Variants in MSRA observed in about 807,000 individuals in gnomAD.
MSRA encodes mitochondrial peptide methionine sulfoxide reductase.
MSRA carries 54 observed loss-of-function variants against 31.3 expected under a neutral mutation model. That is an observed-to-expected ratio of 1.73 (90% CI 1.39 to 2.17). The LOEUF is 2.17. Among genes scored for constraint, MSRA ranks in the 30% most tolerant of loss-of-function variants. MSRA has a pLI of 0.00. For synonymous variants in MSRA, 169 were observed against 116.5 expected (o/e 1.45, Z -2.90); for missense variants, 507 against 300.9 (o/e 1.69, Z -5.07).
intron 2 of MSRA, among the ~76,000 whole-genome samples, chr8:10,239,113 T>A (rs528532614): frequency 1.3e-5 from 2 of 152,058 alleles, no homozygotes; most frequent in Non-Finnish European, 2.9e-5. Context: ...GTGGCCCATA[T>A]ACTATGTGAA....
At chr8:10,416,606 T>G (rs140402058) in intron 5 of MSRA, among the ~76,000 whole-genome samples, 34 of 152,318 alleles carry the variant, frequency 2.2e-4, no homozygotes, top group African/African-American at 8.2e-4. Context: ...ACTCACAGCT[T>G]ACTGGCCAAA....
intron 5 of MSRA, among the ~76,000 whole-genome samples, chr8:10,341,223 C>T (rs1439002959): frequency 1.3e-5 from 2 of 152,198 alleles, no homozygotes; most frequent in African/African-American, 4.8e-5. Context: ...CATGATTCTG[C>T]AGGCTTTACA....
chr8:10,165,693 G>A lies in MSRA; in HGVS notation c.143-42140G>A, dbSNP rs748979745. Reference sequence around the variant, plus strand: ...AATCAGGACACATAGTCTTGTAAGTGGGAGAGTATACACGTGGACATTGTA... The same window carrying A: ...AATCAGGACACATAGTCTTGTAAGTAGGAGAGTATACACGTGGACATTGTA... On this transcript the variant is annotated intron_variant, in intron 1 of 5. Transcript: ENST00000317173. 3.9e-5 allele frequency among the ~76,000 whole-genome samples: 6 copies of A among 152,186 alleles called. 1 individual carries two copies. The highest frequency in any genetic ancestry group is 2.0e-4 in the Admixed American group (3 of 15,280).
chr8:10,393,702 C>G (rs1236488261), intron 5 of MSRA, among the ~76,000 whole-genome samples: 1 of 152,182 alleles, frequency 6.6e-6, no homozygotes, highest in African/African-American at 2.4e-5. Flanking sequence ...TAGTTTATGA[C>G]CTGCACACGG....
chr8:10,160,823 C>A (rs536364157), intron 1 of MSRA, among the ~76,000 whole-genome samples: 1 of 152,132 alleles, frequency 6.6e-6, no homozygotes, highest in Non-Finnish European at 1.5e-5. Flanking sequence ...CCATCGTACC[C>A]GGCCGAGATT....
At chr8:10,196,977 A>G (rs1330960618) in intron 1 of MSRA, among the ~76,000 whole-genome samples, 2 of 152,196 alleles carry the variant, frequency 1.3e-5, no homozygotes, top group Non-Finnish European at 2.9e-5. Context: ...TTTAGACTCA[A>G]TAGGAAACAC....
At position 10,426,975 on chromosome 8, in the gene MSRA, G is replaced by GGGCCTCAAGATCCTTGATC. The variant is rs150708321; in HGVS notation, c.544-1168_544-1167insCAAGATCCTTGATCGGCCT. Among the ~76,000 whole-genome samples, 4 of 152,172 alleles carry GGGCCTCAAGATCCTTGATC rather than the reference G, an allele frequency of 2.6e-5. 1 individual carries two copies. The highest frequency in any genetic ancestry group is 7.2e-5 in the African/African-American group (3 of 41,504). ...TGCCCCTTGTCGTTCCGGACCTGCT[G>GGGCCTCAAGATCCTTGATC]GGCCTTCTGCTGGCTCAGACGGCGA... On this transcript the variant is annotated intron_variant, in intron 5 of 5. Transcript: ENST00000317173.
At chr8:10,151,610 A>T (rs1178760410) in intron 1 of MSRA, among the ~76,000 whole-genome samples, 1 of 152,222 alleles carries the variant, frequency 6.6e-6, no homozygotes, top group Non-Finnish European at 1.5e-5. Flanking sequence ...AGATCGCGCC[A>T]CTGCACTCCA....
chr8:10,132,161 G>C (rs1801941502), intron 1 of MSRA, among the ~76,000 whole-genome samples: 1 of 152,172 alleles, frequency 6.6e-6, no homozygotes, highest in Non-Finnish European at 1.5e-5. Context: ...TTTTCAATGA[G>C]GTGATATTGG....
chr8:10,123,929 A>C, intron 1 of MSRA, among the ~76,000 whole-genome samples: 1 of 151,730 alleles, frequency 6.6e-6, no homozygotes, highest in Non-Finnish European at 1.5e-5. Flanking sequence ...CAGTGGTGCA[A>C]TCGCAGCTCA....
Position 10,301,538 on chromosome 8 carries a change from A to T in MSRA, c.336A>T (p.Lys112Asn), listed in dbSNP as rs1234527523. ...NPTYKEVCSE[K>N]TGHAEVVRVV... ...GTACGTTTTGTTTTTTCCAAGAAAA[A>T]ACTGGCCATGCAGAAGTCGTCCGAG... is the stretch of plus-strand genomic sequence containing the variant. The change falls in exon 4 of 6, where the codon AAA becomes AAT. Residue 112 changes from lysine to asparagine, a missense_variant. By Grantham distance (94) the Lys-to-Asn change is moderately conservative. Transcript: ENST00000317173. The T allele has an allele frequency of 2.5e-6, 4 of 1,610,376 alleles. No individual in the cohort carries two copies. Among genetic ancestry groups the T allele is most frequent in the South Asian group, 1.1e-5 (1 of 89,834 alleles).
intron 1 of MSRA, among the ~76,000 whole-genome samples, chr8:10,061,602 C>T (rs1260918905): frequency 6.6e-6 from 1 of 152,128 alleles, no homozygotes; most frequent in Non-Finnish European, 1.5e-5. Context: ...CAAGAACTCA[C>T]AGCACTTCAC....
chr8:10,145,726 T>C (rs866540903), intron 1 of MSRA, among the ~76,000 whole-genome samples: 1 of 152,348 alleles, frequency 6.6e-6, no homozygotes, highest in African/African-American at 2.4e-5. Context: ...GGTGGATTAA[T>C]AATTATACAT....
intron 3 of MSRA, 58 bp from the exon 4 acceptor site, chr8:10,301,476 A>T: frequency 2.2e-6 from 3 of 1,346,702 alleles, no homozygotes; most frequent in Non-Finnish European, 3.2e-6. Flanking sequence ...TGAACAAAAA[A>T]CTTGCAATAA....
chr8:10,351,072 A>G (rs974351442), intron 5 of MSRA, among the ~76,000 whole-genome samples: 2 of 152,178 alleles, frequency 1.3e-5, no homozygotes, highest in African/African-American at 4.8e-5. Context: ...ATGCAGCAGA[A>G]TGCTGTGAGT....
intron 1 of MSRA, among the ~76,000 whole-genome samples, chr8:10,145,740 T>G (rs1429826339): frequency 1.3e-5 from 2 of 152,216 alleles, no homozygotes; most frequent in African/African-American, 4.8e-5. Context: ...TATACATGGC[T>G]TATTGTATAA....
chr8:10,339,829 C>A (rs559225706), intron 5 of MSRA, among the ~76,000 whole-genome samples: 28 of 151,980 alleles, frequency 1.8e-4, no homozygotes, highest in African/African-American at 6.0e-4. Flanking sequence ...GCGTGAGCCA[C>A]CACGCCCGGC....
intron 5 of MSRA, among the ~76,000 whole-genome samples, chr8:10,418,838 A>AAAAC (rs1563459639): frequency 0.012 from 810 of 69,196 alleles, 15 homozygotes; most frequent in African/African-American, 0.035. Context: ...AAAAAAAAAA[A>AAAAC]CCAACAAAAA....
At chr8:10,189,852 G>T (rs1290690970) in intron 1 of MSRA, among the ~76,000 whole-genome samples, 1 of 152,122 alleles carries the variant, frequency 6.6e-6, no homozygotes, top group Non-Finnish European at 1.5e-5. Context: ...AGCTGGGAAA[G>T]GTTCCCCCTT....
Sources: gnomAD v4.1 joint callset for allele counts (sites outside exome capture counted in the v4.1 genomes callset) on GRCh38, gnomAD v4.1.1 for gene constraint, MANE v1.5 for transcripts, NCBI Gene and HGNC (gene_info 2026-07-23, HGNC 2026-07-21) for gene names.